TRAPPC9: variants seen among roughly 807,000 people sequenced by gnomAD.
TRAPPC9 encodes IKK2 binding protein.
In TRAPPC9, 83 loss-of-function variants were observed where a neutral mutation model predicts 124.0. That is an observed-to-expected ratio of 0.67 (90% confidence interval 0.56 to 0.80). The LOEUF (loss-of-function observed/expected upper bound fraction) is 0.80. Among genes scored for constraint, TRAPPC9 ranks in the 30% least tolerant of loss-of-function variants. TRAPPC9 has a pLI of 0.00. For missense variants in TRAPPC9, 1,302 were observed against 1,508.3 expected (o/e 0.86, Z 2.27); for synonymous variants, 638 against 617.5 (o/e 1.03, Z -0.49).
chr8:140,313,490 G>A (rs1343338751), intron 9 of TRAPPC9, among the ~76,000 whole-genome samples: 1 of 152,214 alleles, frequency 6.6e-6, no homozygotes, highest in East Asian at 1.9e-4. Context: ...AGCGTGGTCT[G>A]GCTGTGCCAT....
chr8:139,890,481 T>C (rs1170359923), intron 20 of TRAPPC9, among the ~76,000 whole-genome samples: 2 of 152,212 alleles, frequency 1.3e-5, no homozygotes, highest in African/African-American at 4.8e-5. Context: ...GAAACCAGGT[T>C]CCTAGGCATC....
intron 20 of TRAPPC9, among the ~76,000 whole-genome samples, chr8:139,889,853 G>A (rs1830226979): frequency 6.6e-6 from 1 of 152,198 alleles, no homozygotes; most frequent in Non-Finnish European, 1.5e-5. Flanking sequence ...CAATTTTGCA[G>A]GCAGCTTCCT....
intron 18 of TRAPPC9, among the ~76,000 whole-genome samples, chr8:140,008,164 G>A (rs1418433818): frequency 3.3e-5 from 5 of 152,224 alleles, no homozygotes; most frequent in Admixed American, 6.5e-5. Context: ...GGTAAGGGAT[G>A]GGATGAAGCA....
intron 17 of TRAPPC9, among the ~76,000 whole-genome samples, chr8:140,077,189 T>C (rs1843561406): frequency 6.6e-6 from 1 of 151,888 alleles, no homozygotes; most frequent in Admixed American, 6.6e-5. Flanking sequence ...AGGAAGAAAA[T>C]ATAACCACAA....
intron 17 of TRAPPC9, among the ~76,000 whole-genome samples, chr8:140,143,108 G>A (rs147805340): frequency 3.9e-5 from 6 of 152,342 alleles, no homozygotes; most frequent in African/African-American, 1.2e-4. Context: ...AAAGGAACAG[G>A]ACAGAGAATA....
chr8:139,971,750 C>CACACACACACACACAT (rs1554598177), intron 19 of TRAPPC9, among the ~76,000 whole-genome samples: 4 of 47,442 alleles, frequency 8.4e-5, no homozygotes, highest in East Asian at 1.3e-3. Flanking sequence ...TATATATATA[C>CACACACACACACACAT]ACACACACAC....
intron 17 of TRAPPC9, among the ~76,000 whole-genome samples, chr8:140,166,074 A>G (rs1196150739): frequency 1.3e-5 from 2 of 152,134 alleles, no homozygotes; most frequent in Non-Finnish European, 2.9e-5. Flanking sequence ...ATGTGCACCT[A>G]CGACCAGGTG....
chr8:139,960,551 C>T (rs2131558798), intron 19 of TRAPPC9, among the ~76,000 whole-genome samples: 1 of 152,344 alleles, frequency 6.6e-6, no homozygotes, highest in South Asian at 2.1e-4. Context: ...CGTATCTGTG[C>T]CTTCCACAGG....
intron 16 of TRAPPC9, among the ~76,000 whole-genome samples, chr8:140,235,497 A>G (rs765929290): frequency 2.0e-5 from 3 of 152,234 alleles, no homozygotes; most frequent in African/African-American, 4.8e-5. Context: ...TTTAATAGAC[A>G]CTTCACAAAA....
intron 21 of TRAPPC9, among the ~76,000 whole-genome samples, chr8:139,858,120 A>C (rs1321761624): frequency 6.6e-6 from 1 of 152,248 alleles, no homozygotes; most frequent in Non-Finnish European, 1.5e-5. Flanking sequence ...TGAAAAATGA[A>C]ATCTAAAAAC....
intron 17 of TRAPPC9, among the ~76,000 whole-genome samples, chr8:140,138,118 T>C (rs974934464): frequency 6.6e-6 from 1 of 152,132 alleles, no homozygotes; most frequent in African/African-American, 2.4e-5. Context: ...CTGACCAACA[T>C]GGTGAAACCC....
intron 17 of TRAPPC9, among the ~76,000 whole-genome samples, chr8:140,119,831 G>T (rs972255558): frequency 3.9e-5 from 6 of 152,142 alleles, no homozygotes; most frequent in African/African-American, 1.2e-4. Context: ...AAACCAGAAA[G>T]GAACCCCCCT....
In TRAPPC9 at chr8:139,971,802, T is replaced by TACACAC. The variant is rs1204199314; in HGVS notation, c.2810+16923_2810+16924insGTGTGT. Among the ~76,000 whole-genome samples, 4 of 13,200 alleles carry TACACAC rather than the reference T, an allele frequency of 3.0e-4. 1 individual carries two copies. Among genetic ancestry groups the TACACAC allele is most frequent in the East Asian group, 0.023 (2 of 88 alleles). The allele number at this position is 13,200 out of a possible 152,430, so 8.7% of individuals were successfully genotyped here. A position where few individuals can be genotyped will look rare whatever the true frequency, so the allele number is the denominator to read the frequency against. On this transcript the variant is annotated intron_variant, in intron 19 of 22. Coordinates refer to ENST00000438773, the MANE Select transcript of TRAPPC9 (RefSeq NM_001160372.4). ...ACACACATATATACACATATATATATACATATATATATATACACACACACA... is the reference window on the plus strand; with the variant it reads ...ACACACATATATACACATATATATATACACACACATATATATATATACACACACACA...
chr8:140,330,783 T>G (rs2066874443), intron 9 of TRAPPC9, among the ~76,000 whole-genome samples: 1 of 152,194 alleles, frequency 6.6e-6, no homozygotes, highest in Non-Finnish European at 1.5e-5. Flanking sequence ...GGGCTATTCA[T>G]GTAATAAATT....
chr8:139,996,199 A>AG, intron 18 of TRAPPC9, among the ~76,000 whole-genome samples: 1 of 150,402 alleles, frequency 6.6e-6, no homozygotes, highest in East Asian at 1.9e-4. Flanking sequence ...AAAGAAAAAA[A>AG]GAAAAATTCA....
chr8:139,954,191 T>C lies in TRAPPC9; in HGVS notation c.2810+34535A>G, dbSNP rs552945194. 2.8e-4 allele frequency among the ~76,000 whole-genome samples: 43 copies of C among 152,298 alleles called. 1 individual carries two copies. The South Asian group carries it at 8.7e-3, about 31-fold the overall frequency. On this transcript the variant is annotated intron_variant, in intron 19 of 22. Coordinates refer to ENST00000438773, the MANE Select transcript of TRAPPC9 (RefSeq NM_001160372.4). ...GGGAAGCTTTTGGGGGTGATGAATA[T>C]GCTCACTGTCCAGATTGTAGCAATG...
rs202109946 is a variant in TRAPPC9, at chr8:140,276,804, CCAGAG to C, written c.2115-988_2115-984del. 2.0e-3 allele frequency among the ~76,000 whole-genome samples: 309 copies of C among 151,816 alleles called. 2 individuals are homozygous for C. The highest frequency in any genetic ancestry group is 7.3e-3 in the African/African-American group (300 of 41,190). ...ACAAAGGGGCAGACAGAGGAGGTGG[CCAGAG>C]CGGGGAGGCCAACATGTTCTCCTGG... On this transcript the variant is annotated intron_variant, in intron 14 of 22. Transcript: ENST00000438773.
At position 139,984,461 on chromosome 8, in the gene TRAPPC9, G is replaced by C. The variant is rs560059739; in HGVS notation, c.2810+4265C>G. 6.6e-6 allele frequency among the ~76,000 whole-genome samples: 1 copy of C among 151,688 alleles called. No individual in the cohort carries two copies. The highest frequency in any genetic ancestry group is 1.5e-5 in the Non-Finnish European group (1 of 67,866). ...TAGCACAGCCTGGGGGTGGGGGGCC[G>C]GGGGGTGGTGGCAGGGGTGCCTCCT... is the stretch of plus-strand genomic sequence containing the variant. On this transcript the variant is annotated intron_variant, in intron 19 of 22. Coordinates refer to ENST00000438773, the MANE Select transcript of TRAPPC9 (RefSeq NM_001160372.4). The surrounding 1 kb of genome is among the most constrained non-coding windows in gnomAD (Gnocchi z 4.3).
intron 17 of TRAPPC9, among the ~76,000 whole-genome samples, chr8:140,043,545 G>A (rs1297915572): frequency 2.0e-5 from 3 of 152,178 alleles, no homozygotes; most frequent in African/African-American, 7.2e-5. Flanking sequence ...CGACCATCCT[G>A]AGGCCTGATG....
Sources: allele counts gnomAD v4.1 joint callset (sites outside exome capture counted in the v4.1 genomes callset), GRCh38; gene constraint gnomAD v4.1.1; non-coding constraint Gnocchi (gnomAD v3.1); transcripts MANE v1.5; gene names NCBI Gene and HGNC (gene_info 2026-07-23, HGNC 2026-07-21).